Variants in FSTL1 observed in about 807,000 individuals in gnomAD.
The protein encoded by FSTL1 is follistatin like 1.
A neutral mutation model predicts 45.9 loss-of-function variants in FSTL1; 24 were observed. The ratio of observed to expected loss-of-function variants is 0.52; its 90% CI spans 0.38 to 0.74. The LOEUF (loss-of-function observed/expected upper bound fraction) is 0.74. Among genes scored for constraint, FSTL1 ranks in the 30% least tolerant of loss-of-function variants. The pLI is 0.00. For synonymous variants in FSTL1, 120 were observed against 137.6 expected, an observed-to-expected ratio of 0.87 and a Z score of 0.89; for missense variants, 340 against 381.8, an observed-to-expected ratio of 0.89 and a Z score of 0.91.
At chr3:120,450,785 GCCC>G (rs200817806) in intron 1 of FSTL1, 39 bp from the exon 2 acceptor site, 14,733 of 1,464,128 alleles carry the variant, frequency 0.01, 301 homozygotes, top group South Asian at 0.059. Context: ...AAGGCGCCGG[GCCC>G]CGCGCTGACC....
At position 120,444,471 on chromosome 3, in the gene FSTL1, G is replaced by A. The variant is rs188363015; in HGVS notation, c.63+6213C>T. ...AGGGTAATGGTAATATGTATGCCAC[G>A]TCTGTGCCATCTCTGAAAGGCCATT... On this transcript the variant is annotated intron_variant, in intron 2 of 10. Coordinates refer to ENST00000295633, the MANE Select transcript of FSTL1 (RefSeq NM_007085.5). 1.7e-3 allele frequency among the ~76,000 whole-genome samples: 249 copies of A among 149,620 alleles called. 18 individuals carry two copies. The Middle Eastern group carries it at 0.017, about 10-fold the overall frequency.
In FSTL1 at chr3:120,393,957, C is replaced by T. The variant is rs1936638788; in HGVS notation, c.*2995G>A. Reference sequence around the variant, plus strand: ...GCTGGTACCTTGATCTTAGGCTTCCCAGCCTTCAGAACTGTGAGCAATACA... The same window carrying T: ...GCTGGTACCTTGATCTTAGGCTTCCTAGCCTTCAGAACTGTGAGCAATACA... On this transcript the variant is annotated 3_prime_UTR_variant, in exon 11 of 11. Coordinates refer to ENST00000295633, the MANE Select transcript of FSTL1 (RefSeq NM_007085.5). The T allele has an allele frequency of 6.6e-6, 1 of 152,212 alleles. No homozygotes were observed. 9.4% of individuals were successfully genotyped at this position (152,212 alleles called of 1,614,324 possible).
At chr3:120,432,163 AC>A (rs1274702622) in intron 2 of FSTL1, among the ~76,000 whole-genome samples, 1 of 152,166 alleles carries the variant, frequency 6.6e-6, no homozygotes, top group Non-Finnish European at 1.5e-5. Flanking sequence ...TCTTTTCAAA[AC>A]CTTTTTAAAA....
intron 3 of FSTL1, among the ~76,000 whole-genome samples, chr3:120,412,819 T>G (rs13077085): frequency 1.5e-5 from 1 of 68,810 alleles, no homozygotes; most frequent in African/African-American, 5.1e-5. Context: ...CACACACATG[T>G]GCGCGCGCGC....
chr3:120,409,274 C>T (rs140527375), intron 6 of FSTL1, among the ~76,000 whole-genome samples: 124 of 152,314 alleles, frequency 8.1e-4, no homozygotes, highest in Admixed American at 1.1e-3. Context: ...ACAGGTTCTC[C>T]AAGACCTTTG....
chr3:120,444,470 C>A (rs373633455), intron 2 of FSTL1, among the ~76,000 whole-genome samples: 6 of 149,520 alleles, frequency 4.0e-5, no homozygotes, highest in African/African-American at 1.5e-4. Context: ...ATGTATGCCA[C>A]GTCTGTGCCA....
intron 2 of FSTL1, among the ~76,000 whole-genome samples, chr3:120,443,038 A>G (rs1480615195): frequency 6.8e-6 from 1 of 147,476 alleles, no homozygotes; most frequent in Non-Finnish European, 1.5e-5. Flanking sequence ...GCACATGTAT[A>G]CATATGTAAC....
intron 3 of FSTL1, among the ~76,000 whole-genome samples, chr3:120,414,393 C>T (rs1344371957): frequency 6.8e-5 from 10 of 148,126 alleles, no homozygotes; most frequent in South Asian, 4.3e-4. Flanking sequence ...TCTGCCCGGC[C>T]GCCCATCGTC....
At chr3:120,424,157 C>T (rs978242158) in intron 2 of FSTL1, 3 of 152,356 alleles carry the variant, frequency 2.0e-5, no homozygotes, top group Non-Finnish European at 4.4e-5. Context: ...AAAGGGAGGC[C>T]TGGGTGCAGT....
chr3:120,432,353 G>T (rs181670015), intron 2 of FSTL1, among the ~76,000 whole-genome samples: 9 of 152,164 alleles, frequency 5.9e-5, no homozygotes, highest in Non-Finnish European at 1.3e-4. Context: ...CAGCTGGGGG[G>T]AAGGAGCTGT....
At chr3:120,444,216 TCC>T (rs1286963714) in intron 2 of FSTL1, among the ~76,000 whole-genome samples, 1 of 149,808 alleles carries the variant, frequency 6.7e-6, no homozygotes, top group Non-Finnish European at 1.5e-5. Context: ...TTTCATACAG[TCC>T]CAAACTCTGT....
In FSTL1 at chr3:120,409,558, T is replaced by C. The variant is rs187480460; in HGVS notation, c.436A>G (p.Ser146Gly). The change falls in exon 6 of 11, where the codon AGT (serine) becomes GGT (glycine). Residue 146 changes from serine to glycine, a missense_variant. Physicochemically the swap from Ser to Gly is moderately conservative, Grantham distance 56. Coordinates refer to ENST00000295633, the MANE Select transcript of FSTL1 (RefSeq NM_007085.5). The part of the protein sequence containing the change: ...DGWFSKGSNY[S>G]EILDKYFKNF... ...TTAAAATACTTGTCTAGGATTTCACTGTAGTTGCTGCCTTTAGAGAACCAG... is the reference window on the plus strand; with the variant it reads ...TTAAAATACTTGTCTAGGATTTCACCGTAGTTGCTGCCTTTAGAGAACCAG... 40 of 1,614,032 alleles carry C rather than the reference T, an allele frequency of 2.5e-5. No individual in the cohort carries two copies. Among genetic ancestry groups the C allele is most frequent in the Non-Finnish European group, 3.2e-5 (38 of 1,179,848 alleles).
chr3:120,434,842 T>A (rs1576225140), intron 2 of FSTL1, among the ~76,000 whole-genome samples: 1 of 152,206 alleles, frequency 6.6e-6, no homozygotes, highest in East Asian at 1.9e-4. Context: ...ATCATCTCCC[T>A]TGCCACACAC....
chr3:120,424,619 C>T (rs942409757), intron 2 of FSTL1, among the ~76,000 whole-genome samples: 8 of 151,080 alleles, frequency 5.3e-5, no homozygotes, highest in Non-Finnish European at 1.2e-4. Context: ...TGGAACAGGC[C>T]TGGGGTGATG....
At chr3:120,433,261 T>C (rs1937508375) in intron 2 of FSTL1, among the ~76,000 whole-genome samples, 1 of 152,228 alleles carries the variant, frequency 6.6e-6, no homozygotes, top group African/African-American at 2.4e-5. Context: ...CACCTGGGAC[T>C]GAGAGACTTA....
At chr3:120,427,363 TC>T in intron 2 of FSTL1, among the ~76,000 whole-genome samples, 1 of 152,166 alleles carries the variant, frequency 6.6e-6, no homozygotes, top group East Asian at 1.9e-4. Context: ...AACTACAAGC[TC>T]CTAGAGGACA....
At chr3:120,401,947 T>G (rs1242216780) in intron 9 of FSTL1, among the ~76,000 whole-genome samples, 1 of 152,232 alleles carries the variant, frequency 6.6e-6, no homozygotes, top group African/African-American at 2.4e-5. Flanking sequence ...AATTCTCCGT[T>G]GCAGACCTGG....
intron 4 of FSTL1, 22 bp downstream of exon 4, chr3:120,411,832 C>T: frequency 6.2e-7 from 1 of 1,606,100 alleles, no homozygotes; most frequent in South Asian, 1.1e-5. Context: ...AGCTGCCTTG[C>T]AGTGGTGAGA....
At position 120,450,737 on chromosome 3, in the gene FSTL1, G is replaced by A; in HGVS notation, c.10C>T (p.Arg4Cys). 6.3e-7 allele frequency: 1 copy of A among 1,579,702 alleles called. No individual in the cohort carries two copies. The highest frequency in any genetic ancestry group is 1.4e-5 in the African/African-American group (1 of 71,954). Residue 4 changes from arginine (R) to cysteine (C), a missense_variant, in exon 2 of 11, where the codon CGC becomes TGC. Coordinates refer to ENST00000295633, the MANE Select transcript of FSTL1 (RefSeq NM_007085.5). MWK[R>C]WLALALALVA... is the part of the protein sequence containing the mutation. ...AGCGCGAGCGCGAGCGCGAGCCAGCGTTTCCACATCTGCGGAAGAGAGAAG... is the reference window on the plus strand; with the variant it reads ...AGCGCGAGCGCGAGCGCGAGCCAGCATTTCCACATCTGCGGAAGAGAGAAG...
Sources: allele counts gnomAD v4.1 joint callset (sites outside exome capture counted in the v4.1 genomes callset), GRCh38; gene constraint gnomAD v4.1.1; transcripts MANE v1.5; gene names NCBI Gene and HGNC (gene_info 2026-07-23, HGNC 2026-07-21).